The following EPS8L2 variants were observed in gnomAD, a reference collection of about 807,000 sequenced individuals.
EPS8L2 encodes epidermal growth factor receptor kinase substrate 8-like protein 2.
Under a neutral mutation model 99.4 loss-of-function variants are expected in EPS8L2, and 81 were observed. The observed-to-expected ratio is 0.82, with a 90% CI of 0.68 to 0.98. The LOEUF (loss-of-function observed/expected upper bound fraction) is 0.98. Among genes scored for constraint, EPS8L2 ranks in the 50% least tolerant of loss-of-function variants. The pLI, the probability that EPS8L2 is intolerant of heterozygous loss-of-function variation, is 0.00. For synonymous variants in EPS8L2, 509 were observed against 407.3 expected (o/e 1.25, Z -3.01); for missense variants, 1,155 against 968.8 (o/e 1.19, Z -2.55).
At chr11:716,507 T>C (rs923728688) in intron 4 of EPS8L2, among the ~76,000 whole-genome samples, 1 of 152,228 alleles carries the variant, frequency 6.6e-6, no homozygotes, top group Non-Finnish European at 1.5e-5. Context: ...TCCACCCTCC[T>C]TGGCCTCCCA....
At chr11:709,524 G>A (rs1414859071) in intron 2 of EPS8L2, 29 bp from the exon 3 acceptor site, 6 of 1,598,712 alleles carry the variant, frequency 3.8e-6, no homozygotes, top group Non-Finnish European at 5.1e-6. Context: ...GTGCAGTTTG[G>A]CCCTGCCCTG....
At position 723,366 on chromosome 11, in the gene EPS8L2, CA is replaced by C; in HGVS notation, c.1454+16del. 1.6e-6 allele frequency: 2 copies of C among 1,228,598 alleles called. No homozygotes were observed. Among genetic ancestry groups the C allele is most frequent in the Non-Finnish European group, 2.3e-6 (2 of 873,254 alleles). The allele number at this position is 1,228,598 out of a possible 1,614,324, so 76.1% of individuals were successfully genotyped here. On this transcript the variant is annotated intron_variant, in intron 15 of 20. Transcript: ENST00000318562. The stretch of plus-strand genomic sequence containing the variant: ...CACATACTCACAGGTAAGCCCCCCT[CA>C]AAGTGAGGGAGCATGAAAGTGAAAC...
At chr11:716,568 C>T (rs1374607319) in intron 4 of EPS8L2, among the ~76,000 whole-genome samples, 1 of 152,078 alleles carries the variant, frequency 6.6e-6, no homozygotes, top group East Asian at 1.9e-4. Context: ...GATTATTGAT[C>T]TTAAGTCTTT....
rs1316312731 is a variant in EPS8L2, at chr11:726,661, C to G, written c.1977C>G (p.Phe659Leu). 4.5e-6 allele frequency: 7 copies of G among 1,565,628 alleles called. No individual in the cohort carries two copies. Among genetic ancestry groups the G allele is most frequent in the Non-Finnish European group, 6.1e-6 (7 of 1,155,888 alleles). The change falls in exon 20 of 21, where the codon TTC (phenylalanine) becomes TTG (leucine). Residue 659 changes from phenylalanine (F) to leucine (L), a missense_variant. Physicochemically the swap from Phe to Leu is conservative, Grantham distance 22. Transcript: ENST00000318562. ...NLGILTGPQL[F>L]SLNKEELKKV... is the part of the protein sequence containing the mutation. ...GCATCCTGACCGGGCCGCAGCTCTT[C>G]TCCCTCAACAAGGAGGAGCTGAAGA...
At chr11:725,672 TG>T in intron 16 of EPS8L2, 55 bp from the exon 17 acceptor site, 1 of 1,277,592 alleles carries the variant, frequency 7.8e-7, no homozygotes, top group Non-Finnish European at 9.9e-7. Flanking sequence ...CGCCAGCGGG[TG>T]GTCCCAGCCC....
chr11:709,119 A>C, intron 1 of EPS8L2: 1 of 564,444 alleles, frequency 1.8e-6, no homozygotes, highest in Non-Finnish European at 3.2e-6. Context: ...CCTGTGGAGC[A>C]CCTAGGGTCT....
At position 710,419 on chromosome 11, in the gene EPS8L2, C is replaced by T. The variant is rs777481965; in HGVS notation, c.101-3C>T. On this transcript the variant is annotated splice_region_variant and splice_polypyrimidine_tract_variant and intron_variant, in intron 3 of 20. Transcript: ENST00000318562. ...GGGGAGTGACTGGTGTCTCCCGGTTCAGAGCAGAGGAAGAAGTATTCCAAC... is the reference window on the plus strand; with the variant it reads ...GGGGAGTGACTGGTGTCTCCCGGTTTAGAGCAGAGGAAGAAGTATTCCAAC... 5.0e-6 allele frequency: 8 copies of T among 1,613,408 alleles called. No homozygotes were observed. In the Admixed American group the frequency reaches 1.3e-4, roughly 27 times the overall value.
At position 716,231 on chromosome 11, in the gene EPS8L2, C is replaced by T. The variant is rs1286703506; in HGVS notation, c.166-3831C>T. Reference sequence around the variant, plus strand: ...TGGCACCATCTCAGCTCACAGCAAGCTCCGCCTCCCAGGTTCATGCCATTC... The same window carrying T: ...TGGCACCATCTCAGCTCACAGCAAGTTCCGCCTCCCAGGTTCATGCCATTC... On this transcript the variant is annotated intron_variant, in intron 4 of 20. Transcript: ENST00000318562. 2.6e-5 allele frequency among the ~76,000 whole-genome samples: 4 copies of T among 151,584 alleles called. No homozygotes were observed. In the East Asian group the frequency reaches 7.8e-4, roughly 29 times the overall value.
chr11:720,638 C>T lies in EPS8L2; in HGVS notation c.369C>T (p.Ser123=). 1 of 1,599,690 alleles carries T rather than the reference C, an allele frequency of 6.3e-7. No homozygotes were observed. Among genetic ancestry groups the T allele is most frequent in the Non-Finnish European group, 8.5e-7 (1 of 1,174,802 alleles). Residue 123 remains serine (S), a synonymous_variant, in exon 6 of 21, where the codon AGC becomes AGT. Coordinates refer to ENST00000318562, the MANE Select transcript of EPS8L2 (RefSeq NM_022772.4). ...TCCCGCTGCCCACGGTGCAGCGCAG[C>T]CAGACGGTCCTCAACCAGCTGCGCT... ...EDFPLPTVQR[S]QTVLNQLRYP... is the part of the protein sequence containing the mutation.
intron 4 of EPS8L2, among the ~76,000 whole-genome samples, chr11:712,725 G>A (rs1861922455): frequency 6.6e-6 from 1 of 152,210 alleles, no homozygotes; most frequent in Non-Finnish European, 1.5e-5. Context: ...TGTACAATGG[G>A]TCCAAAGAGC....
rs745594494 is a variant in EPS8L2, at chr11:720,764, G to A, written c.477+18G>A. The A allele has an allele frequency of 4.6e-5, 70 of 1,531,426 alleles. No homozygotes were observed. The highest frequency in any genetic ancestry group is 5.8e-5 in the Non-Finnish European group (66 of 1,141,118). 94.9% of individuals were successfully genotyped at this position (1,531,426 alleles called of 1,614,324 possible). A position where few individuals can be genotyped will look rare whatever the true frequency, so the allele number is the denominator to read the frequency against. ...AGGTGGAGGTGAGGCGGTGCCGGGC[G>A]GGGCAGGGTGGGGCCCCGCCGCGCC... On this transcript the variant is annotated intron_variant, in intron 6 of 20. Coordinates refer to ENST00000318562, the MANE Select transcript of EPS8L2 (RefSeq NM_022772.4).
chr11:708,017 C>T (rs1326117769), intron 1 of EPS8L2, among the ~76,000 whole-genome samples: 3 of 152,160 alleles, frequency 2.0e-5, no homozygotes, highest in African/African-American at 4.8e-5. Flanking sequence ...CTCATGTCAG[C>T]GGCAGTGCCC....
intron 3 of EPS8L2, chr11:710,178 T>A: frequency 3.9e-6 from 2 of 512,172 alleles, no homozygotes; most frequent in Non-Finnish European, 7.1e-6. Flanking sequence ...TGGTCCCCAC[T>A]CCACTCAGAG....
rs971698838 is a variant in EPS8L2, at chr11:720,196, G to T, written c.300G>T (p.Ser100=). The T allele has an allele frequency of 1.2e-6, 2 of 1,613,136 alleles. No homozygotes were observed. Among genetic ancestry groups the T allele is most frequent in the African/African-American group, 2.7e-5 (2 of 74,946 alleles). ...TGCTGCTGCAGGTGAACGACCAGTC[G>T]CTGCGGCTGCTGGACATCGAGTCAC... is the stretch of plus-strand genomic sequence containing the variant. ...QEMLLQVNDQ[S]LRLLDIESQE... The change falls in exon 5 of 21, where the codon TCG becomes TCT. Residue 100 remains serine (S), a synonymous_variant. Coordinates refer to ENST00000318562, the MANE Select transcript of EPS8L2 (RefSeq NM_022772.4).
rs184903112 is a variant in EPS8L2, at chr11:725,751, G to C, written c.1584G>C (p.Trp528Cys). The C allele has an allele frequency of 2.0e-3, 2,635 of 1,341,402 alleles. 3 individuals are homozygous for C. The highest frequency in any genetic ancestry group is 2.9e-3 in the Admixed American group (76 of 26,018). The allele number at this position is 1,341,402 out of a possible 1,614,324, so 83.1% of individuals were successfully genotyped here. The change falls in exon 17 of 21, where the codon TGG becomes TGC. Residue 528 changes from tryptophan to cysteine, a missense_variant. Transcript: ENST00000318562. ...VLEVLEDGRQ[W>C]WKLRSRSGQA... ...AGGTGCTGGAGGACGGCCGGCAGTG[G>C]TGGAAGCTGCGCAGCCGCAGCGGCC...
intron 3 of EPS8L2, chr11:710,177 C>G: frequency 1.9e-6 from 1 of 514,412 alleles, no homozygotes; most frequent in Non-Finnish European, 3.5e-6. Flanking sequence ...CTGGTCCCCA[C>G]TCCACTCAGA....
In EPS8L2 at chr11:725,765, G is replaced by A; in HGVS notation, c.1598G>A (p.Ser533Asn). ...EDGRQWWKLR[S>N]RSGQAGYVPC... ...GGCCGGCAGTGGTGGAAGCTGCGCA[G>A]CCGCAGCGGCCAGGCGGGGTACGTG... The change falls in exon 17 of 21, where the codon AGC (serine) becomes AAC (asparagine). Residue 533 changes from serine to asparagine, a missense_variant. By Grantham distance (46) the Ser-to-Asn change is conservative. Coordinates refer to ENST00000318562, the MANE Select transcript of EPS8L2 (RefSeq NM_022772.4). The A allele has an allele frequency of 7.4e-7, 1 of 1,351,566 alleles. No individual in the cohort carries two copies. Among genetic ancestry groups the A allele is most frequent in the Middle Eastern group, 2.8e-4 (1 of 3,588 alleles). The allele number at this position is 1,351,566 out of a possible 1,614,324, so 83.7% of individuals were successfully genotyped here.
Position 721,166 on chromosome 11 carries a change from C to A in EPS8L2, c.660C>A (p.Ala220=). 1.3e-6 allele frequency: 2 copies of A among 1,535,568 alleles called. No homozygotes were observed. The highest frequency in any genetic ancestry group is 2.4e-5 in the South Asian group (2 of 83,666). ...ACCGCGGCGGGGATTCCCCGGAGGC[C>A]AAGAATCGCGTGGGCCCGCAGGTGC... is the stretch of plus-strand genomic sequence containing the variant. ...FQHRGGDSPE[A]KNRVGPQVPL... is the part of the protein sequence containing the mutation. Residue 220 remains alanine, a synonymous_variant, in exon 8 of 21, where the codon GCC becomes GCA. Transcript: ENST00000318562.
Position 721,071 on chromosome 11 carries a change from C to G in EPS8L2, c.565C>G (p.Gln189Glu). ...GACCCCCTCGCCCTCCAGGGGACAC[C>G]AGGAGAAGATTCGGCAGCGGCAGTC... ...KMRPQTLKGH[Q>E]EKIRQRQSIL... Residue 189 changes from glutamine to glutamate, a missense_variant, in exon 8 of 21, where the codon CAG (glutamine) becomes GAG (glutamate). Transcript: ENST00000318562. 6.7e-7 allele frequency: 1 copy of G among 1,486,732 alleles called. No individual in the cohort carries two copies. The highest frequency in any genetic ancestry group is 9.0e-7 in the Non-Finnish European group (1 of 1,116,348). The allele number at this position is 1,486,732 out of a possible 1,614,324, so 92.1% of individuals were successfully genotyped here.
Sources: gnomAD v4.1 joint callset for allele counts (sites outside exome capture counted in the v4.1 genomes callset) on GRCh38, gnomAD v4.1.1 for gene constraint, MANE v1.5 for transcripts, NCBI Gene and HGNC (gene_info 2026-07-23, HGNC 2026-07-21) for gene names.